The following MICU1 variants were observed in gnomAD, a reference collection of about 807,000 sequenced individuals.
The protein encoded by MICU1 is mitochondrial calcium uptake 1.
MICU1 carries 45 observed loss-of-function variants against 56.8 expected under a neutral mutation model. That is an observed-to-expected ratio of 0.79 (90% CI 0.62 to 1.02). MICU1 has a LOEUF of 1.02. Among genes scored for constraint, MICU1 ranks in the 50% least tolerant of loss-of-function variants. MICU1 has a pLI of 0.00. For missense variants in MICU1, 504 were observed against 587.1 expected (o/e 0.86, Z 1.46); for synonymous variants, 186 against 195.1 (o/e 0.95, Z 0.39).
intron 4 of MICU1, among the ~76,000 whole-genome samples, chr10:72,540,665 C>A (rs1332092167): frequency 6.6e-6 from 1 of 152,132 alleles, no homozygotes; most frequent in African/African-American, 2.4e-5. Context: ...CAGAGCAAGA[C>A]CCTGTCTCTA....
intron 6 of MICU1, among the ~76,000 whole-genome samples, chr10:72,484,871 T>G (rs891137884): frequency 1.3e-5 from 2 of 152,240 alleles, no homozygotes; most frequent in African/African-American, 2.4e-5. Flanking sequence ...ATAACCTTCC[T>G]AATAAAAATT....
At chr10:72,512,136 G>A (rs1258667948) in intron 5 of MICU1, among the ~76,000 whole-genome samples, 3 of 100,870 alleles carry the variant, frequency 3.0e-5, no homozygotes, top group Non-Finnish European at 5.4e-5. Flanking sequence ...TTTTTGAGAC[G>A]GAGTCTCGTT....
chr10:72,552,969 A>G (rs1178702202), intron 3 of MICU1, among the ~76,000 whole-genome samples: 1 of 152,224 alleles, frequency 6.6e-6, no homozygotes, highest in Non-Finnish European at 1.5e-5. Context: ...TCTTAATTCC[A>G]CTACCACATG....
At chr10:72,606,172 T>C (rs1315780450) in intron 1 of MICU1, among the ~76,000 whole-genome samples, 1 of 151,176 alleles carries the variant, frequency 6.6e-6, no homozygotes, top group Non-Finnish European at 1.5e-5. Flanking sequence ...GTTACATAAC[T>C]ATGTAAACCT....
chr10:72,608,133 A>G (rs1841742885), intron 1 of MICU1, among the ~76,000 whole-genome samples: 2 of 151,934 alleles, frequency 1.3e-5, no homozygotes, highest in Non-Finnish European at 1.5e-5. Flanking sequence ...CAGTGGTGTG[A>G]TCTCAGCTCA....
chr10:72,475,625 C>T (rs111912301), intron 7 of MICU1, among the ~76,000 whole-genome samples: 24 of 152,150 alleles, frequency 1.6e-4, no homozygotes, highest in Non-Finnish European at 2.9e-4. Context: ...GACAGGGTTT[C>T]ACCAGGTCGG....
intron 1 of MICU1, among the ~76,000 whole-genome samples, chr10:72,568,840 C>T (rs558032062): frequency 1.3e-5 from 2 of 150,460 alleles, no homozygotes; most frequent in South Asian, 4.2e-4. Context: ...GCAACCTCCA[C>T]CTCCCGGGTT....
At chr10:72,374,365 A>G (rs1266729917) in intron 11 of MICU1, among the ~76,000 whole-genome samples, 1 of 152,172 alleles carries the variant, frequency 6.6e-6, no homozygotes, top group African/African-American at 2.4e-5. Flanking sequence ...GGCTCAAACC[A>G]TCTTCCTGCC....
chr10:72,380,331 C>T (rs552961518), intron 10 of MICU1, among the ~76,000 whole-genome samples: 6 of 152,142 alleles, frequency 3.9e-5, no homozygotes, highest in South Asian at 4.2e-4. Context: ...GGTTTAAGTG[C>T]GATTGGGTGA....
chr10:72,602,816 G>A lies in MICU1; in HGVS notation c.-2+23194C>T, dbSNP rs528258148. On this transcript the variant is annotated intron_variant, in intron 1 of 11. Transcript: ENST00000361114. ...AATGAAAGAATCAATACTTAAGAAT[G>A]CCACTTTGCAGCCAGGCGCGGTGGC... Among the ~76,000 whole-genome samples, 6 of 152,206 alleles carry A rather than the reference G, an allele frequency of 3.9e-5. No individual in the cohort carries two copies. In the East Asian group the frequency reaches 1.2e-3, roughly 30 times the overall value.
At chr10:72,575,839 A>G (rs1840727398) in intron 1 of MICU1, among the ~76,000 whole-genome samples, 1 of 152,200 alleles carries the variant, frequency 6.6e-6, no homozygotes. Flanking sequence ...AAATTAGACC[A>G]GTTAACAACC....
intron 10 of MICU1, among the ~76,000 whole-genome samples, chr10:72,395,237 G>A (rs559135082): frequency 5.3e-5 from 8 of 151,890 alleles, no homozygotes; most frequent in South Asian, 2.1e-4. Flanking sequence ...GGATGGTCTC[G>A]ATCTCCTGAC....
At position 72,620,897 on chromosome 10, in the gene MICU1, C is replaced by T. The variant is rs377077865; in HGVS notation, c.-2+5113G>A. On this transcript the variant is annotated intron_variant, in intron 1 of 11. Transcript: ENST00000361114. ...TGTTACCTGTTTTACCCACAGGTAT[C>T]TTATCTACAGGTATCCACTCTATCG... Among the ~76,000 whole-genome samples the T allele has an allele frequency of 6.6e-5, 10 of 152,258 alleles. No homozygotes were observed. In the East Asian group the frequency reaches 1.9e-3, roughly 29 times the overall value.
At chr10:72,431,019 TACA>T (rs1451164282) in intron 8 of MICU1, among the ~76,000 whole-genome samples, 3 of 152,190 alleles carry the variant, frequency 2.0e-5, no homozygotes, top group African/African-American at 7.2e-5. Flanking sequence ...TCCTACATGT[TACA>T]ACATTTAACT....
At chr10:72,547,994 G>A (rs1244126593) in intron 4 of MICU1, among the ~76,000 whole-genome samples, 1 of 152,238 alleles carries the variant, frequency 6.6e-6, no homozygotes, top group African/African-American at 2.4e-5. Flanking sequence ...AGACAATGGA[G>A]AAGAGGGTAT....
At chr10:72,408,260 C>T (rs1039355733) in intron 9 of MICU1, among the ~76,000 whole-genome samples, 2 of 152,144 alleles carry the variant, frequency 1.3e-5, no homozygotes, top group South Asian at 2.1e-4. Context: ...CCCTCTCACA[C>T]GTAAAATCTG....
chr10:72,534,314 A>C (rs1169923623), intron 4 of MICU1, among the ~76,000 whole-genome samples: 1 of 152,068 alleles, frequency 6.6e-6, no homozygotes, highest in Non-Finnish European at 1.5e-5. Flanking sequence ...CTAGCTTTGG[A>C]TTCTGTGCAC....
At chr10:72,502,618 C>T (rs980022436) in intron 6 of MICU1, among the ~76,000 whole-genome samples, 1 of 152,178 alleles carries the variant, frequency 6.6e-6, no homozygotes, top group Non-Finnish European at 1.5e-5. Flanking sequence ...TATTCCCAAG[C>T]CACTCCCTGG....
In MICU1 at chr10:72,448,281, C is replaced by A. The variant is rs960935080; in HGVS notation, c.934-24910G>T. Among the ~76,000 whole-genome samples, 3 of 129,726 alleles carry A rather than the reference C, an allele frequency of 2.3e-5. 1 individual carries two copies. The highest frequency in any genetic ancestry group is 8.5e-5 in the African/African-American group (3 of 35,214). The allele number at this position is 129,726 out of a possible 152,430, so 85.1% of individuals were successfully genotyped here. ...CCTCCGCCTCCTGGTTCAAGTGATT[C>A]TCCTGACTCAGCCTCCTGAGTAGCT... is the stretch of plus-strand genomic sequence containing the variant. On this transcript the variant is annotated intron_variant, in intron 8 of 11. Coordinates refer to ENST00000361114, the MANE Select transcript of MICU1 (RefSeq NM_001195518.2).
Sources: allele counts gnomAD v4.1 joint callset (sites outside exome capture counted in the v4.1 genomes callset), GRCh38; gene constraint gnomAD v4.1.1; transcripts MANE v1.5; gene names NCBI Gene and HGNC (gene_info 2026-07-23, HGNC 2026-07-21).